Variants in GRIA2 observed in about 807,000 individuals in gnomAD.
The protein encoded by GRIA2 is glutamate receptor 2.
Under a neutral mutation model 97.3 loss-of-function variants are expected in GRIA2, and 14 were observed. The ratio of observed to expected loss-of-function variants is 0.14; its 90% confidence interval spans 0.10 to 0.23. GRIA2 has a LOEUF of 0.23. GRIA2 is among the 10% of genes least tolerant of loss of function. The pLI is 1.00. For synonymous variants in GRIA2, 412 were observed against 387.8 expected, an observed-to-expected ratio of 1.06 and a Z score of -0.73; for missense variants, 558 against 1,069.8, an observed-to-expected ratio of 0.52 and a Z score of 6.67.
At position 157,361,713 on chromosome 4, in the gene GRIA2, C is replaced by T; in HGVS notation, c.2406+589C>T. Reference sequence around the variant, plus strand: ...TCAAACACAAACAGCAAAATCAAACCACAAGTGTGTTAGTGGGAATGACCC... The same window carrying T: ...TCAAACACAAACAGCAAAATCAAACTACAAGTGTGTTAGTGGGAATGACCC... On this transcript the variant is annotated intron_variant, in intron 14 of 15. Transcript: ENST00000264426. This position sits in a 1 kb window ranked among gnomAD's most constrained non-coding sequence, Gnocchi z 5.2. 1 of 1,160,000 alleles carries T rather than the reference C, an allele frequency of 8.6e-7. No homozygotes were observed. Among genetic ancestry groups the T allele is most frequent in the South Asian group, 1.2e-5 (1 of 80,382 alleles). The allele number at this position is 1,160,000 out of a possible 1,614,324, so 71.9% of individuals were successfully genotyped here.
At chr4:157,296,109 A>C (rs1733337570) in intron 2 of GRIA2, among the ~76,000 whole-genome samples, 1 of 152,170 alleles carries the variant, frequency 6.6e-6, no homozygotes, top group African/African-American at 2.4e-5. Flanking sequence ...TCTTGGTACA[A>C]ACTTCTCCAC....
intron 3 of GRIA2, among the ~76,000 whole-genome samples, chr4:157,306,064 G>T (rs191117985): frequency 2.5e-4 from 38 of 152,244 alleles, no homozygotes; most frequent in Non-Finnish European, 5.0e-4. Flanking sequence ...AGTTCAAGGT[G>T]ATTTTATAAG....
intron 4 of GRIA2, 22 bp from the exon 5 acceptor site, chr4:157,317,636 A>T: frequency 1.1e-6 from 1 of 876,188 alleles, no homozygotes; most frequent in African/African-American, 1.7e-5. Flanking sequence ...TAATTAAATA[A>T]TTACTTATTT....
chr4:157,298,253 A>T (rs1287907337), intron 2 of GRIA2, among the ~76,000 whole-genome samples: 1 of 152,130 alleles, frequency 6.6e-6, no homozygotes, highest in Non-Finnish European at 1.5e-5. Flanking sequence ...ATAAGTGGGG[A>T]ACTTACCTGT....
chr4:157,300,025 A>G (rs998161742), intron 2 of GRIA2, among the ~76,000 whole-genome samples: 2 of 151,832 alleles, frequency 1.3e-5, no homozygotes, highest in Non-Finnish European at 2.9e-5. Flanking sequence ...GGTATTGTAT[A>G]ACTCATTTTA....
intron 2 of GRIA2, among the ~76,000 whole-genome samples, chr4:157,278,401 G>A (rs930984458): frequency 1.3e-5 from 2 of 151,762 alleles, no homozygotes; most frequent in African/African-American, 4.8e-5. Context: ...CATGGTGCAG[G>A]AACAACGGAA....
At chr4:157,348,366 G>C (rs1316985120) in intron 12 of GRIA2, among the ~76,000 whole-genome samples, 2 of 151,948 alleles carry the variant, frequency 1.3e-5, no homozygotes, top group Admixed American at 1.3e-4. Context: ...ATCCTCCTGA[G>C]TAGCTGGGAC....
chr4:157,306,898 AC>A (rs1733870240), intron 3 of GRIA2, among the ~76,000 whole-genome samples: 1 of 152,156 alleles, frequency 6.6e-6, no homozygotes, highest in Non-Finnish European at 1.5e-5. Flanking sequence ...TGAAGAATGC[AC>A]CTGTGTTCCC....
chr4:157,359,527 G>A lies in GRIA2; in HGVS notation c.2044-369G>A, dbSNP rs139093873. Among the ~76,000 whole-genome samples, 4 of 152,092 alleles carry A rather than the reference G, an allele frequency of 2.6e-5. No homozygotes were observed. In the East Asian group the frequency reaches 5.8e-4, roughly 22 times the overall value. On this transcript the variant is annotated intron_variant, in intron 12 of 15. Coordinates refer to ENST00000264426, the MANE Select transcript of GRIA2 (RefSeq NM_001083619.3). ...CCTGTTCTACCACTAATTAGGAATC[G>A]ACCATTTAGGATTTGGGCAGCAAAG...
rs184748012 is a variant in GRIA2, at chr4:157,353,408, C to T, written c.2044-6488C>T. On this transcript the variant is annotated intron_variant, in intron 12 of 15. Transcript: ENST00000264426. ...TAGTTGGCCAGGGCGTGGTGGCTCA[C>T]GCCTGTAATCCCAGCACTTTGGGAG... 6.9e-4 allele frequency among the ~76,000 whole-genome samples: 105 copies of T among 151,724 alleles called. 1 individual carries two copies. The East Asian group carries it at 0.013, about 19-fold the overall frequency.
chr4:157,336,391 A>G lies in GRIA2; in HGVS notation c.1488A>G (p.Ala496=). 6.4e-7 allele frequency: 1 copy of G among 1,553,066 alleles called. No homozygotes were observed. Among genetic ancestry groups the G allele is most frequent in the Non-Finnish European group, 8.7e-7 (1 of 1,151,890 alleles). Residue 496 remains alanine, a synonymous_variant, in exon 11 of 16, where the codon GCA becomes GCG. Coordinates refer to ENST00000264426, the MANE Select transcript of GRIA2 (RefSeq NM_001083619.3). ...TTCCCTTACAGAAAGCTGATATTGC[A>G]ATTGCTCCATTAACTATTACCCTTG... ...GELVYGKADI[A]IAPLTITLVR...
chr4:157,296,821 G>T (rs1364944735), intron 2 of GRIA2, among the ~76,000 whole-genome samples: 1 of 152,142 alleles, frequency 6.6e-6, no homozygotes, highest in Non-Finnish European at 1.5e-5. Flanking sequence ...TGCCTGCTGT[G>T]TGCCAAGTAC....
chr4:157,254,935 AT>A (rs1326244571), intron 2 of GRIA2, among the ~76,000 whole-genome samples: 3 of 152,030 alleles, frequency 2.0e-5, no homozygotes, highest in Non-Finnish European at 4.4e-5. Flanking sequence ...TAGTTTTAAA[AT>A]GTTTGTATAA....
intron 12 of GRIA2, chr4:157,342,210 T>C: frequency 1.0e-6 from 1 of 979,534 alleles, no homozygotes; most frequent in Non-Finnish European, 1.2e-6. Context: ...TCTGATAATC[T>C]ACAAATATAT....
At chr4:157,265,785 T>C (rs1343580780) in intron 2 of GRIA2, among the ~76,000 whole-genome samples, 1 of 152,100 alleles carries the variant, frequency 6.6e-6, no homozygotes, top group Non-Finnish European at 1.5e-5. Context: ...CAAGGCCTCA[T>C]AGCAATTTTA....
At chr4:157,238,173 G>A (rs1730335407) in intron 2 of GRIA2, among the ~76,000 whole-genome samples, 1 of 152,036 alleles carries the variant, frequency 6.6e-6, no homozygotes, top group African/African-American at 2.4e-5. Flanking sequence ...ACATAAATTT[G>A]ATTTAAACTG....
At chr4:157,304,420 A>C (rs1440110180) in intron 3 of GRIA2, among the ~76,000 whole-genome samples, 1 of 152,098 alleles carries the variant, frequency 6.6e-6, no homozygotes, top group African/African-American at 2.4e-5. Context: ...TAATGGAGGG[A>C]GGTACAACCT....
At position 157,335,853 on chromosome 4, in the gene GRIA2, G is replaced by T; in HGVS notation, c.1449G>T (p.Gly483=). 2 of 1,608,800 alleles carry T rather than the reference G, an allele frequency of 1.2e-6. No individual in the cohort carries two copies. Among genetic ancestry groups the T allele is most frequent in the Non-Finnish European group, 1.7e-6 (2 of 1,176,072 alleles). Residue 483 remains glycine (G), a synonymous_variant, in exon 10 of 16, where the codon GGG becomes GGT. Transcript: ENST00000264426. ...ARDADTKIWN[G]MVGELVYGKA... is the part of the protein sequence containing the mutation. ...ATGCAGACACGAAAATTTGGAATGG[G>T]ATGGTTGGAGAACTTGTATATGGGG...
chr4:157,349,263 A>G (rs950548506), intron 12 of GRIA2, among the ~76,000 whole-genome samples: 1 of 152,072 alleles, frequency 6.6e-6, no homozygotes, highest in African/African-American at 2.4e-5. Flanking sequence ...TGTCTTATGT[A>G]TATTAGTGGG....
Sources: gnomAD v4.1 joint callset for allele counts (sites outside exome capture counted in the v4.1 genomes callset) on GRCh38, gnomAD v4.1.1 for gene constraint, Gnocchi (gnomAD v3.1) non-coding constraint, MANE v1.5 for transcripts, NCBI Gene and HGNC (gene_info 2026-07-23, HGNC 2026-07-21) for gene names.